Variants in GRIA4 observed in about 807,000 individuals in gnomAD.
GRIA4 encodes glutamate ionotropic receptor AMPA type subunit 4.
Under a neutral mutation model 104.0 loss-of-function variants are expected in GRIA4, and 34 were observed. The observed-to-expected ratio is 0.33, with a 90% CI of 0.25 to 0.44. The LOEUF (loss-of-function observed/expected upper bound fraction) is 0.44, where lower values mean the gene tolerates loss of function less well. GRIA4 is among the 20% of genes least tolerant of loss of function. The probability of loss-of-function intolerance (pLI) is 1.00; values close to 1 mark genes in which losing one functional copy is unlikely to be tolerated. For synonymous variants in GRIA4, 386 were observed against 381.9 expected (o/e 1.01, Z -0.13); for missense variants, 750 against 1,096.5 (o/e 0.68, Z 4.46).
chr11:105,875,895 T>G (rs1945801915), intron 5 of GRIA4, among the ~76,000 whole-genome samples: 1 of 152,166 alleles, frequency 6.6e-6, no homozygotes, highest in African/African-American at 2.4e-5. Context: ...TTAATGGTTT[T>G]TTTGTGTCTC....
intron 3 of GRIA4, chr11:105,706,551 TA>T (rs1953707995): frequency 6.5e-6 from 1 of 153,502 alleles, no homozygotes; most frequent in Non-Finnish European, 1.5e-5. Flanking sequence ...AAAGGATAAA[TA>T]TAAAAATATT....
At chr11:105,735,541 T>C (rs1178830464) in intron 3 of GRIA4, among the ~76,000 whole-genome samples, 1 of 152,282 alleles carries the variant, frequency 6.6e-6, no homozygotes, top group Non-Finnish European at 1.5e-5. Flanking sequence ...AGCAAGAAAT[T>C]CATTACATAC....
At chr11:105,724,550 C>T (rs1397056044) in intron 3 of GRIA4, among the ~76,000 whole-genome samples, 1 of 152,058 alleles carries the variant, frequency 6.6e-6, no homozygotes, top group Non-Finnish European at 1.5e-5. Context: ...AAATCAAATA[C>T]TACATGCTCT....
At chr11:105,743,058 T>C (rs1445976511) in intron 3 of GRIA4, among the ~76,000 whole-genome samples, 1 of 152,092 alleles carries the variant, frequency 6.6e-6, no homozygotes, top group Non-Finnish European at 1.5e-5. Flanking sequence ...CTAAACTGGG[T>C]GCGCATATAA....
intron 3 of GRIA4, among the ~76,000 whole-genome samples, chr11:105,630,712 T>A (rs2156238): frequency 0.97 from 147,541 of 152,056 alleles, 71,735 homozygotes; most frequent in South Asian, 1. Context: ...TAATTTTTTT[T>A]AAAAAAATTT....
At chr11:105,905,397 C>CT (rs1947008894) in intron 9 of GRIA4, 96 bp downstream of exon 9, 11 of 677,614 alleles carry the variant, frequency 1.6e-5, no homozygotes, top group Non-Finnish European at 2.6e-5. Flanking sequence ...TGAACATTTC[C>CT]TTTTTTTGTG....
intron 13 of GRIA4, among the ~76,000 whole-genome samples, chr11:105,932,822 T>G (rs1947921082): frequency 6.6e-6 from 1 of 152,182 alleles, no homozygotes; most frequent in Non-Finnish European, 1.5e-5. Context: ...ATTTGGTTTG[T>G]AAGCTATACC....
chr11:105,649,414 C>G (rs1822982), intron 3 of GRIA4, among the ~76,000 whole-genome samples: 14 of 151,916 alleles, frequency 9.2e-5, no homozygotes, highest in African/African-American at 3.1e-4. Flanking sequence ...TTATTTCATC[C>G]AATTCTTGGC....
chr11:105,828,049 C>T (rs1213630665), intron 4 of GRIA4, among the ~76,000 whole-genome samples: 1 of 151,868 alleles, frequency 6.6e-6, no homozygotes, highest in Non-Finnish European at 1.5e-5. Flanking sequence ...ATTTTTATTG[C>T]CATGCTATTT....
intron 4 of GRIA4, among the ~76,000 whole-genome samples, chr11:105,852,766 T>TAACGGTAGAATAAATTAATTGC (rs763218011): frequency 6.6e-6 from 1 of 150,638 alleles, no homozygotes; most frequent in Non-Finnish European, 1.5e-5. Context: ...TCATCCTGTG[T>TAACGGTAGAATAAATTAATTGC]TTTTTCCTGC....
At chr11:105,797,854 G>A in intron 4 of GRIA4, 1 of 452,914 alleles carries the variant, frequency 2.2e-6, no homozygotes, top group Non-Finnish European at 4.4e-6. Context: ...GCCTAGCACA[G>A]AGCTCAATGT....
At chr11:105,792,914 C>CA (rs11383759) in intron 4 of GRIA4, among the ~76,000 whole-genome samples, 106,018 of 151,858 alleles carry the variant, frequency 0.7, 37,368 homozygotes, top group African/African-American at 0.8. Context: ...GTCCAACATA[C>CA]AAGACAGGCT....
At chr11:105,754,495 C>T (rs993254191) in intron 4 of GRIA4, among the ~76,000 whole-genome samples, 2 of 152,146 alleles carry the variant, frequency 1.3e-5, no homozygotes, top group Admixed American at 1.3e-4. Flanking sequence ...GGCAACCTTT[C>T]ACTTTACCAG....
At chr11:105,634,162 C>T (rs184552501) in intron 3 of GRIA4, among the ~76,000 whole-genome samples, 3 of 152,002 alleles carry the variant, frequency 2.0e-5, no homozygotes, top group Non-Finnish European at 4.4e-5. Context: ...GCCTGGGCAA[C>T]ATGGTGAAAC....
intron 6 of GRIA4, among the ~76,000 whole-genome samples, chr11:105,895,445 A>T (rs1220658918): frequency 1.3e-5 from 2 of 152,126 alleles, no homozygotes; most frequent in Non-Finnish European, 2.9e-5. Flanking sequence ...CAGGTATAAA[A>T]CAAAGGTGAT....
intron 3 of GRIA4, among the ~76,000 whole-genome samples, chr11:105,704,913 TA>T (rs1953638132): frequency 6.6e-6 from 1 of 152,046 alleles, no homozygotes; most frequent in African/African-American, 2.4e-5. Flanking sequence ...AAGTTGATAA[TA>T]AAAGTTCATA....
chr11:105,879,553 A>AT, intron 5 of GRIA4, among the ~76,000 whole-genome samples: 1 of 152,362 alleles, frequency 6.6e-6, no homozygotes, highest in South Asian at 2.1e-4. Context: ...TATTATGCAT[A>AT]TATGAAGAAA....
intron 7 of GRIA4, among the ~76,000 whole-genome samples, chr11:105,899,784 T>G (rs1946791475): frequency 6.6e-6 from 1 of 152,170 alleles, no homozygotes; most frequent in African/African-American, 2.4e-5. Flanking sequence ...GAAACCTTAT[T>G]TAATGTATTG....
intron 3 of GRIA4, among the ~76,000 whole-genome samples, chr11:105,738,807 T>A (rs1939118552): frequency 6.6e-6 from 1 of 151,952 alleles, no homozygotes; most frequent in African/African-American, 2.4e-5. Flanking sequence ...AACGTTTCCA[T>A]TAAAGGATCA....
Sources: allele counts gnomAD v4.1 joint callset (sites outside exome capture counted in the v4.1 genomes callset), GRCh38; gene constraint gnomAD v4.1.1; transcripts MANE v1.5; gene names NCBI Gene and HGNC (gene_info 2026-07-23, HGNC 2026-07-21).